The following CORO7 variants were observed in gnomAD, a reference collection of about 807,000 sequenced individuals.
The protein encoded by CORO7 is coronin-7.
A neutral mutation model predicts 126.6 loss-of-function variants in CORO7; 107 were observed. The ratio of observed to expected loss-of-function variants is 0.85; its 90% CI spans 0.72 to 0.99. CORO7 has a LOEUF of 0.99. Ranked by LOEUF, CORO7 falls within the 50% of genes least tolerant of loss-of-function variation. The pLI, the probability that CORO7 is intolerant of heterozygous loss-of-function variation, is 0.00. For missense variants in CORO7, 1,314 were observed against 1,255.8 expected (o/e 1.05, Z -0.70); for synonymous variants, 603 against 536.8 (o/e 1.12, Z -1.70).
At chr16:4,406,455 C>T (rs988638818) in intron 5 of CORO7, among the ~76,000 whole-genome samples, 14 of 152,108 alleles carry the variant, frequency 9.2e-5, no homozygotes, top group African/African-American at 2.9e-4. Context: ...CACGCCACCA[C>T]GCCTGGCTGA....
At chr16:4,376,493 GTCTA>G (rs1471671484) in intron 9 of CORO7, among the ~76,000 whole-genome samples, 6 of 152,170 alleles carry the variant, frequency 3.9e-5, no homozygotes, top group South Asian at 2.1e-4. Context: ...GCCTCAGACT[GTCTA>G]TCTGTCTGTC....
chr16:4,369,723 G>A (rs937184005), intron 9 of CORO7, among the ~76,000 whole-genome samples: 1 of 151,980 alleles, frequency 6.6e-6, no homozygotes, highest in Non-Finnish European at 1.5e-5. Context: ...CATCCCTCCC[G>A]CTCAGGCCCC....
chr16:4,362,877 G>C lies in CORO7; in HGVS notation c.1276-139C>G. On this transcript the variant is annotated intron_variant, in intron 14 of 27. Coordinates refer to ENST00000251166, the MANE Select transcript of CORO7 (RefSeq NM_024535.5). This position sits in a 1 kb window ranked among gnomAD's most constrained non-coding sequence, Gnocchi z 5.3. ...CCCACTGTGGGCATGCGACAGGAGC[G>C]GCGGGGGGCACGGGCATAAACGCAG... The C allele has an allele frequency of 9.6e-7, 1 of 1,044,378 alleles. No homozygotes were observed. Among genetic ancestry groups the C allele is most frequent in the Non-Finnish European group, 1.2e-6 (1 of 811,066 alleles). 64.7% of individuals were successfully genotyped at this position (1,044,378 alleles called of 1,614,324 possible). A position where few individuals can be genotyped will look rare whatever the true frequency, so the allele number is the denominator to read the frequency against.
In CORO7 at chr16:4,359,405, C is replaced by T. The variant is rs2054086573; in HGVS notation, c.2251-20G>A. ...GTCGCCCTGCGGGGAAGAAGGCAGGCTGGGAACCCTCCGGCAACACTGGCC... is the reference window on the plus strand; with the variant it reads ...GTCGCCCTGCGGGGAAGAAGGCAGGTTGGGAACCCTCCGGCAACACTGGCC... On this transcript the variant is annotated intron_variant, in intron 22 of 27. Transcript: ENST00000251166. 1 of 1,613,456 alleles carries T rather than the reference C, an allele frequency of 6.2e-7. No individual in the cohort carries two copies.
intron 26 of CORO7, 59 bp downstream of exon 26, chr16:4,357,109 G>C: frequency 6.2e-7 from 1 of 1,604,382 alleles, no homozygotes; most frequent in African/African-American, 1.3e-5. Flanking sequence ...CTAAGGGGCC[G>C]TGGCCAGGTG....
intron 3 of CORO7, among the ~76,000 whole-genome samples, chr16:4,411,445 T>C (rs1016222502): frequency 3.3e-5 from 5 of 152,048 alleles, no homozygotes; most frequent in Non-Finnish European, 5.9e-5. Context: ...ATCACACCTG[T>C]AATGCCAGTA....
chr16:4,414,808 G>A (rs1168324745), intron 1 of CORO7, among the ~76,000 whole-genome samples: 2 of 152,144 alleles, frequency 1.3e-5, no homozygotes, highest in Non-Finnish European at 1.5e-5. Context: ...ACTGCACTCA[G>A]AGCCACCGGC....
At chr16:4,375,240 A>G (rs2054677303) in intron 9 of CORO7, among the ~76,000 whole-genome samples, 1 of 152,088 alleles carries the variant, frequency 6.6e-6, no homozygotes, top group Non-Finnish European at 1.5e-5. Context: ...GAAGGCACCC[A>G]CCTGGGGCCG....
At chr16:4,404,777 GCT>G (rs1567299699) in intron 6 of CORO7, among the ~76,000 whole-genome samples, 1 of 152,072 alleles carries the variant, frequency 6.6e-6, no homozygotes, top group Non-Finnish European at 1.5e-5. Flanking sequence ...GCAGAGAACA[GCT>G]CTCACCTCCC....
At chr16:4,388,906 G>A (rs1015281962) in intron 7 of CORO7, among the ~76,000 whole-genome samples, 1 of 152,206 alleles carries the variant, frequency 6.6e-6, no homozygotes, top group Non-Finnish European at 1.5e-5. Flanking sequence ...CTACCAAGGA[G>A]AGGGCTGCCT....
intron 1 of CORO7, chr16:4,415,645 TG>T: frequency 1.1e-6 from 1 of 924,982 alleles, no homozygotes; most frequent in Non-Finnish European, 1.3e-6. Flanking sequence ...TGACTTGCTC[TG>T]GGACCCTGAT....
At chr16:4,364,499 G>A (rs1336768193) in intron 13 of CORO7, 86 bp from the exon 14 acceptor site, 22 of 1,489,080 alleles carry the variant, frequency 1.5e-5, no homozygotes, top group South Asian at 1.3e-4. Context: ...GGGTAGGGAT[G>A]GGGGGCACCC....
chr16:4,369,247 A>G (rs2054442466), intron 9 of CORO7, among the ~76,000 whole-genome samples: 1 of 152,282 alleles, frequency 6.6e-6, no homozygotes, highest in African/African-American at 2.4e-5. Context: ...GCACGGGCCA[A>G]GAAATGGGGT....
intron 16 of CORO7, 109 bp downstream of exon 16, chr16:4,361,876 G>A: frequency 6.7e-7 from 1 of 1,495,600 alleles, no homozygotes; most frequent in Non-Finnish European, 9.0e-7. Context: ...GCGGGCAGGA[G>A]CCTGACACAA....
chr16:4,360,675 G>T, intron 19 of CORO7, 127 bp from the exon 20 acceptor site: 1 of 1,360,526 alleles, frequency 7.4e-7, no homozygotes, highest in Non-Finnish European at 9.9e-7. Flanking sequence ...TCTCCTCACT[G>T]CTGGTCTTGC....
chr16:4,359,737 G>A, intron 21 of CORO7, 116 bp from the exon 22 acceptor site: 1 of 1,354,432 alleles, frequency 7.4e-7, no homozygotes, highest in Non-Finnish European at 9.8e-7. Context: ...GGCCTAGTGT[G>A]GCCCGGCACC....
chr16:4,364,421 G>A lies in CORO7; in HGVS notation c.1138-8C>T. On this transcript the variant is annotated splice_polypyrimidine_tract_variant and splice_region_variant and intron_variant, in intron 13 of 27. Transcript: ENST00000251166. ...GAGGCTGACCTTCTGCACCTGCATG[G>A]AGGCCGGCAGTGGGGAGATGGGGGC... 1 of 1,496,746 alleles carries A rather than the reference G, an allele frequency of 6.7e-7. No individual in the cohort carries two copies. 92.7% of individuals were successfully genotyped at this position (1,496,746 alleles called of 1,614,324 possible).
At position 4,392,136 on chromosome 16, in the gene CORO7, G is replaced by A. The variant is rs77065947; in HGVS notation, c.615+3153C>T. Among the ~76,000 whole-genome samples, 533 of 152,262 alleles carry A rather than the reference G, an allele frequency of 3.5e-3. 5 individuals carry two copies. Among genetic ancestry groups the A allele is most frequent in the African/African-American group, 0.012 (511 of 41,548 alleles). On this transcript the variant is annotated intron_variant, in intron 7 of 27. Transcript: ENST00000251166. Reference sequence around the variant, plus strand: ...GAGATTCCTAGAGGGCTCAATCCGGGGCCCCCTCCCGCCCAGACAAGGGTT... The same window carrying A: ...GAGATTCCTAGAGGGCTCAATCCGGAGCCCCCTCCCGCCCAGACAAGGGTT...
intron 23 of CORO7, 95 bp downstream of exon 23, chr16:4,359,201 C>G: frequency 7.3e-7 from 1 of 1,373,440 alleles, no homozygotes; most frequent in Non-Finnish European, 9.7e-7. Flanking sequence ...GACTCTGACC[C>G]CCGACCCACA....
Sources: gnomAD v4.1 joint callset for allele counts (sites outside exome capture counted in the v4.1 genomes callset) on GRCh38, gnomAD v4.1.1 for gene constraint, Gnocchi (gnomAD v3.1) non-coding constraint, MANE v1.5 for transcripts, NCBI Gene and HGNC (gene_info 2026-07-23, HGNC 2026-07-21) for gene names.